Variants in KIF13B observed in about 807,000 individuals in gnomAD.
KIF13B encodes kinesin-like protein KIF13B.
In KIF13B, 127 loss-of-function variants were observed where a neutral mutation model predicts 222.0. The ratio of observed to expected loss-of-function variants is 0.57; its 90% CI spans 0.50 to 0.66. The LOEUF (loss-of-function observed/expected upper bound fraction) is 0.66, where lower values mean the gene tolerates loss of function less well. Among genes scored for constraint, KIF13B ranks in the 30% least tolerant of loss-of-function variants. The pLI is 0.00. For synonymous variants in KIF13B, 976 were observed against 919.0 expected, an observed-to-expected ratio of 1.06 and a Z score of -1.12; for missense variants, 2,173 against 2,379.0, an observed-to-expected ratio of 0.91 and a Z score of 1.80.
chr8:29,239,334 ACG>A, intron 2 of KIF13B, among the ~76,000 whole-genome samples: 1 of 152,352 alleles, frequency 6.6e-6, no homozygotes, highest in African/African-American at 2.4e-5. Context: ...GAAGTATACT[ACG>A]ACAATTTTCA....
chr8:29,227,567 A>G (rs1467274454), intron 2 of KIF13B, among the ~76,000 whole-genome samples: 3 of 152,140 alleles, frequency 2.0e-5, no homozygotes, highest in Non-Finnish European at 2.9e-5. Context: ...AATCCTATGT[A>G]TTTTATGTTT....
At chr8:29,074,637 G>A (rs1037016140) in intron 38 of KIF13B, among the ~76,000 whole-genome samples, 1 of 152,248 alleles carries the variant, frequency 6.6e-6, no homozygotes, top group Admixed American at 6.5e-5. Context: ...AGGGGAGGGG[G>A]CACCCCGATC....
chr8:29,254,766 CAG>C (rs1173537921), intron 1 of KIF13B, among the ~76,000 whole-genome samples: 1 of 152,202 alleles, frequency 6.6e-6, no homozygotes, highest in Non-Finnish European at 1.5e-5. Flanking sequence ...CTATATGACT[CAG>C]AAATTCCACT....
intron 2 of KIF13B, among the ~76,000 whole-genome samples, chr8:29,219,746 A>AAAT (rs1814658122): frequency 6.8e-6 from 1 of 146,566 alleles, no homozygotes; most frequent in Non-Finnish European, 1.5e-5. Flanking sequence ...CCCTGTTTCC[A>AAAT]AAATAAATAA....
chr8:29,240,297 T>C (rs545580032), intron 2 of KIF13B, among the ~76,000 whole-genome samples: 105 of 151,214 alleles, frequency 6.9e-4, no homozygotes, highest in Admixed American at 1.3e-3. Context: ...GCAGTCATTG[T>C]ACGCTTCATC....
At chr8:29,088,646 T>TA (rs1048006665) in intron 37 of KIF13B, among the ~76,000 whole-genome samples, 2 of 152,168 alleles carry the variant, frequency 1.3e-5, no homozygotes, top group Non-Finnish European at 2.9e-5. Flanking sequence ...ATTACTATTT[T>TA]AAAAAAATGA....
At chr8:29,228,323 C>T (rs937368797) in intron 2 of KIF13B, among the ~76,000 whole-genome samples, 1 of 150,580 alleles carries the variant, frequency 6.6e-6, no homozygotes, top group African/African-American at 2.4e-5. Flanking sequence ...AGAAATTAGC[C>T]GGACATGGTG....
At chr8:29,211,602 G>A (rs998412259) in intron 2 of KIF13B, among the ~76,000 whole-genome samples, 1 of 152,194 alleles carries the variant, frequency 6.6e-6, no homozygotes, top group Non-Finnish European at 1.5e-5. Context: ...CTTTGGCTGA[G>A]TAAACTTCAC....
In KIF13B at chr8:29,245,246, G is replaced by A. The variant is rs376434454; in HGVS notation, c.149+100C>T. The A allele has an allele frequency of 7.2e-5, 56 of 772,630 alleles. 1 individual carries two copies. In the East Asian group the frequency reaches 1.5e-3, roughly 20 times the overall value. The allele number at this position is 772,630 out of a possible 1,614,324, so 47.9% of individuals were successfully genotyped here. On this transcript the variant is annotated intron_variant, in intron 2 of 39. Transcript: ENST00000524189. ...GAAGACAGCAATATGTCTCTACAGG[G>A]TAGGCATTCGATATCTATTCAATGC...
At chr8:29,090,139 C>G (rs1253665496) in intron 37 of KIF13B, among the ~76,000 whole-genome samples, 1 of 152,138 alleles carries the variant, frequency 6.6e-6, no homozygotes. Context: ...TGGCTTAGTA[C>G]TGGTGAGCGA....
chr8:29,196,800 G>T (rs1008326097), intron 2 of KIF13B, among the ~76,000 whole-genome samples: 1 of 152,098 alleles, frequency 6.6e-6, no homozygotes, highest in Non-Finnish European at 1.5e-5. Flanking sequence ...CTTAACAGTT[G>T]CACATCCCAA....
intron 31 of KIF13B, among the ~76,000 whole-genome samples, chr8:29,114,452 G>A (rs1229027573): frequency 1.3e-5 from 2 of 152,166 alleles, no homozygotes; most frequent in South Asian, 4.1e-4. Context: ...GCCTTGCAGT[G>A]CTGAGCCAAG....
At chr8:29,214,129 T>C (rs946603995) in intron 2 of KIF13B, among the ~76,000 whole-genome samples, 6 of 152,222 alleles carry the variant, frequency 3.9e-5, no homozygotes, top group African/African-American at 1.4e-4. Flanking sequence ...GCCTAGGTCA[T>C]GACCATACAC....
chr8:29,077,500 C>T (rs1807620062), intron 37 of KIF13B, among the ~76,000 whole-genome samples: 1 of 152,256 alleles, frequency 6.6e-6, no homozygotes, highest in African/African-American at 2.4e-5. Flanking sequence ...TTGCATTCTT[C>T]ACTACATCTT....
At chr8:29,191,106 T>A (rs1350884908) in intron 3 of KIF13B, 49 bp from the exon 4 acceptor site, 2 of 1,367,286 alleles carry the variant, frequency 1.5e-6, no homozygotes, top group African/African-American at 2.9e-5. Flanking sequence ...CAACATTACT[T>A]ATAAACCATA....
chr8:29,071,496 G>A lies in KIF13B; in HGVS notation c.5218+124C>T. 1 of 862,122 alleles carries A rather than the reference G, an allele frequency of 1.2e-6. No homozygotes were observed. Among genetic ancestry groups the A allele is most frequent in the Non-Finnish European group, 1.8e-6 (1 of 555,798 alleles). The allele number at this position is 862,122 out of a possible 1,614,324, so 53.4% of individuals were successfully genotyped here. A position where few individuals can be genotyped will look rare whatever the true frequency, so the allele number is the denominator to read the frequency against. On this transcript the variant is annotated intron_variant, in intron 39 of 39. Transcript: ENST00000524189. This position sits in a 1 kb window ranked among gnomAD's most constrained non-coding sequence, Gnocchi z 4.9. Reference sequence around the variant, plus strand: ...AGGCCCAGCCGCTCCCGCAGCTTCAGCCAAGCCGCTGCCTCCCGGCCCCTC... The same window carrying A: ...AGGCCCAGCCGCTCCCGCAGCTTCAACCAAGCCGCTGCCTCCCGGCCCCTC...
chr8:29,167,354 A>G lies in KIF13B; in HGVS notation c.1158+19T>C, dbSNP rs762289812. The G allele has an allele frequency of 1.3e-6, 2 of 1,598,904 alleles. No homozygotes were observed. The highest frequency in any genetic ancestry group is 4.5e-5 in the East Asian group (2 of 44,770). On this transcript the variant is annotated intron_variant, in intron 11 of 39. Transcript: ENST00000524189. ...TCCTCTTCCTGGACTCACAGGGCGC[A>G]CGCGGTGGTGCCTCCTACCTCTGCT...
At chr8:29,207,193 C>T (rs751781668) in intron 2 of KIF13B, among the ~76,000 whole-genome samples, 6 of 152,182 alleles carry the variant, frequency 3.9e-5, no homozygotes. Context: ...CTCCTACGCC[C>T]GTGCTTATGC....
chr8:29,093,629 G>T (rs1279220283), intron 36 of KIF13B, among the ~76,000 whole-genome samples: 1 of 152,180 alleles, frequency 6.6e-6, no homozygotes, highest in African/African-American at 2.4e-5. Flanking sequence ...ACTCCCCCCA[G>T]ATCTCTTCTC....
Sources: allele counts gnomAD v4.1 joint callset (sites outside exome capture counted in the v4.1 genomes callset), GRCh38; gene constraint gnomAD v4.1.1; non-coding constraint Gnocchi (gnomAD v3.1); transcripts MANE v1.5; gene names NCBI Gene and HGNC (gene_info 2026-07-23, HGNC 2026-07-21).